The following CRY1 variants were observed in gnomAD, a reference collection of about 807,000 sequenced individuals.
CRY1 encodes the protein cryptochrome-1.
A neutral mutation model predicts 76.0 loss-of-function variants in CRY1; 45 were observed. That is an observed-to-expected ratio of 0.59 (90% CI 0.47 to 0.76). The LOEUF (loss-of-function observed/expected upper bound fraction) is 0.76, where lower values mean the gene tolerates loss of function less well. Ranked by LOEUF, CRY1 falls within the 30% of genes least tolerant of loss-of-function variation. The pLI, the probability that CRY1 is intolerant of heterozygous loss-of-function variation, is 0.00. For missense variants in CRY1, 587 were observed against 716.4 expected, an observed-to-expected ratio of 0.82 and a Z score of 2.06; for synonymous variants, 248 against 244.0, an observed-to-expected ratio of 1.02 and a Z score of -0.15.
At chr12:107,025,409 A>G (rs1414800977) in intron 1 of CRY1, among the ~76,000 whole-genome samples, 5 of 152,172 alleles carry the variant, frequency 3.3e-5, no homozygotes, top group Non-Finnish European at 7.4e-5. Flanking sequence ...CTATCAACAA[A>G]TTACTATCCT....
chr12:107,047,029 C>A (rs1038681890), intron 1 of CRY1, among the ~76,000 whole-genome samples: 1 of 152,070 alleles, frequency 6.6e-6, no homozygotes, highest in Non-Finnish European at 1.5e-5. Context: ...CCAAATGGAC[C>A]CAACAGACAT....
chr12:107,014,736 C>A (rs1158736425), intron 2 of CRY1, among the ~76,000 whole-genome samples: 1 of 152,178 alleles, frequency 6.6e-6, no homozygotes, highest in Non-Finnish European at 1.5e-5. Flanking sequence ...TTTTGATATA[C>A]AGTCCTCCCT....
intron 1 of CRY1, among the ~76,000 whole-genome samples, chr12:107,048,213 T>C (rs1251593414): frequency 6.6e-6 from 1 of 152,104 alleles, no homozygotes; most frequent in Non-Finnish European, 1.5e-5. Context: ...TCTGAGTAGC[T>C]GGGATTACAG....
chr12:107,045,579 T>C (rs1312073774), intron 1 of CRY1, among the ~76,000 whole-genome samples: 1 of 152,258 alleles, frequency 6.6e-6, no homozygotes, highest in Non-Finnish European at 1.5e-5. Flanking sequence ...CATGCCTATG[T>C]CCCGAATGGT....
At chr12:107,037,814 T>C (rs948169623) in intron 1 of CRY1, among the ~76,000 whole-genome samples, 3 of 152,086 alleles carry the variant, frequency 2.0e-5, no homozygotes, top group Non-Finnish European at 4.4e-5. Context: ...GCTTAAACGA[T>C]CCTCCCACCT....
At position 107,001,486 on chromosome 12, in the gene CRY1, T is replaced by C. The variant is rs918024572; in HGVS notation, c.596-118A>G. ...TTAAGAGAGTACCATAAAAATGAACTGAAGGCCTAAATAAGCCCTCACCTA... is the reference window on the plus strand; with the variant it reads ...TTAAGAGAGTACCATAAAAATGAACCGAAGGCCTAAATAAGCCCTCACCTA... On this transcript the variant is annotated intron_variant, in intron 4 of 12. Transcript: ENST00000008527. The C allele has an allele frequency of 1.6e-5, 14 of 877,462 alleles. No homozygotes were observed. In the Admixed American group the frequency reaches 2.7e-4, roughly 17 times the overall value. 54.4% of individuals were successfully genotyped at this position (877,462 alleles called of 1,614,324 possible).
At chr12:107,067,025 G>T (rs887375657) in intron 1 of CRY1, among the ~76,000 whole-genome samples, 7 of 152,086 alleles carry the variant, frequency 4.6e-5, no homozygotes, top group Non-Finnish European at 8.8e-5. Flanking sequence ...GCCCAGGCTG[G>T]TCTTGAACTC....
rs1009005448 is a variant in CRY1 at position 106,995,992 on chromosome 12, C to T, written c.1585+1302G>A. Among the ~76,000 whole-genome samples, 6 of 152,080 alleles carry T rather than the reference C, an allele frequency of 3.9e-5. No homozygotes were observed. The South Asian group carries it at 1.0e-3, about 26-fold the overall frequency. ...CCAAGTAGCTGGGATTACAGGCATGCGCTACCACGCCCGGCCAATTTTGTC... is the reference window on the plus strand; with the variant it reads ...CCAAGTAGCTGGGATTACAGGCATGTGCTACCACGCCCGGCCAATTTTGTC... On this transcript the variant is annotated intron_variant, in intron 10 of 12. Transcript: ENST00000008527.
chr12:107,079,094 A>G (rs568298831), intron 1 of CRY1, among the ~76,000 whole-genome samples: 1 of 151,986 alleles, frequency 6.6e-6, no homozygotes, highest in African/African-American at 2.4e-5. Context: ...GAGTTCTTAT[A>G]TAATAGGCAA....
chr12:107,078,023 T>C (rs1419067904), intron 1 of CRY1, among the ~76,000 whole-genome samples: 1 of 152,206 alleles, frequency 6.6e-6, no homozygotes, highest in Non-Finnish European at 1.5e-5. Flanking sequence ...ACGTAATTCA[T>C]TGATTAAGGA....
intron 3 of CRY1, among the ~76,000 whole-genome samples, chr12:107,002,637 A>G (rs563716516): frequency 2.6e-5 from 4 of 152,312 alleles, no homozygotes; most frequent in Admixed American, 1.3e-4. Context: ...TTCATCTTAC[A>G]TAACTTCTAC....
intron 1 of CRY1, among the ~76,000 whole-genome samples, chr12:107,048,399 C>T (rs1191040616): frequency 6.6e-6 from 1 of 152,150 alleles, no homozygotes; most frequent in Non-Finnish European, 1.5e-5. Context: ...GATTTATCCA[C>T]ATACTTATGG....
intron 1 of CRY1, among the ~76,000 whole-genome samples, chr12:107,079,141 A>T (rs114267496): frequency 0.011 from 1,705 of 152,216 alleles, 25 homozygotes; most frequent in African/African-American, 0.039. Context: ...CTTCCTACTC[A>T]TTTTACTTCA....
chr12:107,013,474 T>C (rs1023141131), intron 2 of CRY1, among the ~76,000 whole-genome samples: 9 of 152,218 alleles, frequency 5.9e-5, no homozygotes, highest in Non-Finnish European at 8.8e-5. Flanking sequence ...TACATATGCA[T>C]TGGAAAACAA....
chr12:107,003,949 G>T (rs1952341725), intron 3 of CRY1, among the ~76,000 whole-genome samples: 1 of 151,096 alleles, frequency 6.6e-6, no homozygotes, highest in South Asian at 2.1e-4. Context: ...TGGATTACAG[G>T]CACCCGCCAC....
At chr12:107,074,423 G>C (rs541979956) in intron 1 of CRY1, among the ~76,000 whole-genome samples, 3 of 152,238 alleles carry the variant, frequency 2.0e-5, no homozygotes, top group African/African-American at 7.2e-5. Context: ...ATTTGTTGTT[G>C]CTGTTGCTAT....
intron 1 of CRY1, among the ~76,000 whole-genome samples, chr12:107,086,057 T>C (rs1953396954): frequency 6.6e-6 from 1 of 152,116 alleles, no homozygotes; most frequent in Non-Finnish European, 1.5e-5. Context: ...TTATATGTTA[T>C]GCTTGTTAAC....
chr12:107,076,581 C>G (rs1052316161), intron 1 of CRY1, among the ~76,000 whole-genome samples: 6 of 150,758 alleles, frequency 4.0e-5, no homozygotes, highest in African/African-American at 1.5e-4. Flanking sequence ...TGCCACTACA[C>G]TCCAGCCTGC....
rs1566240988 is a variant in CRY1 at position 106,999,531 on chromosome 12, A to G, written c.1137+20T>C. The G allele has an allele frequency of 1.1e-5, 17 of 1,580,058 alleles. No homozygotes were observed. Among genetic ancestry groups the G allele is most frequent in the African/African-American group, 4.1e-5 (3 of 73,872 alleles). On this transcript the variant is annotated intron_variant, in intron 7 of 12. Coordinates refer to ENST00000008527, the MANE Select transcript of CRY1 (RefSeq NM_004075.5). ...GGATTCCTTCAAAATAAGGCATGCTATATCAGTTAGAACACTTACCTTCAT... is the reference window on the plus strand; with the variant it reads ...GGATTCCTTCAAAATAAGGCATGCTGTATCAGTTAGAACACTTACCTTCAT...
Sources: allele counts gnomAD v4.1 joint callset (sites outside exome capture counted in the v4.1 genomes callset), GRCh38; gene constraint gnomAD v4.1.1; transcripts MANE v1.5; gene names NCBI Gene and HGNC (gene_info 2026-07-23, HGNC 2026-07-21).